The following COG5 variants were observed in gnomAD, a reference collection of about 807,000 sequenced individuals.
COG5 encodes conserved oligomeric Golgi complex subunit 5.
Under a neutral mutation model 110.4 loss-of-function variants are expected in COG5, and 86 were observed. The observed-to-expected ratio is 0.78, with a 90% CI of 0.65 to 0.93. The LOEUF is 0.93. Among genes scored for constraint, COG5 ranks in the 40% least tolerant of loss-of-function variants. The probability of loss-of-function intolerance (pLI) is 0.00; values close to 1 mark genes in which losing one functional copy is unlikely to be tolerated. For missense variants in COG5, 1,077 were observed against 987.0 expected (o/e 1.09, Z -1.22); for synonymous variants, 360 against 334.6 (o/e 1.08, Z -0.83).
intron 11 of COG5, 61 bp downstream of exon 11, chr7:107,324,379 A>G: frequency 9.1e-7 from 1 of 1,094,270 alleles, no homozygotes. Flanking sequence ...GCTTCTTGAC[A>G]TCAAATGATA....
chr7:107,517,000 G>A (rs141704096), intron 6 of COG5, among the ~76,000 whole-genome samples: 3 of 152,324 alleles, frequency 2.0e-5, no homozygotes, highest in East Asian at 1.9e-4. Flanking sequence ...CTGGACGGAG[G>A]ATGAGATGAA....
chr7:107,256,584 T>C (rs1802894399), intron 16 of COG5, 148 bp downstream of exon 16: 4 of 637,270 alleles, frequency 6.3e-6, no homozygotes, highest in South Asian at 1.9e-5. Context: ...ACACTTGTTA[T>C]CTATTCTCTT....
rs1809874452 is a variant in COG5, at chr7:107,327,490, A to AT, written c.1027-2970_1027-2969insA. Among the ~76,000 whole-genome samples, 3 of 152,310 alleles carry AT rather than the reference A, an allele frequency of 2.0e-5. No individual in the cohort carries two copies. In the South Asian group the frequency reaches 6.2e-4, roughly 32 times the overall value. On this transcript the variant is annotated intron_variant, in intron 10 of 21. Transcript: ENST00000297135. Reference sequence around the variant, plus strand: ...TTTCTGTGCAGGAAAGGAAACAATCAATAGAGTAAAAAGGCAACCTACAGA... The same window carrying AT: ...TTTCTGTGCAGGAAAGGAAACAATCATATAGAGTAAAAAGGCAACCTACAGA...
chr7:107,369,682 C>T (rs1813952170), intron 8 of COG5, among the ~76,000 whole-genome samples: 1 of 152,108 alleles, frequency 6.6e-6, no homozygotes, highest in Non-Finnish European at 1.5e-5. Flanking sequence ...AGCCAACACG[C>T]CGGCCAGGTA....
rs558377116 is a variant in COG5, at chr7:107,509,543, G to C, written c.538+17694C>G. ...CCAACATTCAGATTCAGGAAATACAGAGAACGCCACAAAGATGCTCCTCGA... is the reference window on the plus strand; with the variant it reads ...CCAACATTCAGATTCAGGAAATACACAGAACGCCACAAAGATGCTCCTCGA... On this transcript the variant is annotated intron_variant, in intron 6 of 21. Coordinates refer to ENST00000297135, the MANE Select transcript of COG5 (RefSeq NM_006348.5). 2.6e-5 allele frequency among the ~76,000 whole-genome samples: 4 copies of C among 152,260 alleles called. No homozygotes were observed. The East Asian group carries it at 5.8e-4, about 22-fold the overall frequency.
At chr7:107,207,999 A>G in intron 21 of COG5, 1 of 985,488 alleles carries the variant, frequency 1.0e-6, no homozygotes, top group Non-Finnish European at 1.2e-6. Flanking sequence ...ACTGACATTT[A>G]AAGAGCAATA....
At chr7:107,249,938 A>C (rs1426741045) in intron 16 of COG5, among the ~76,000 whole-genome samples, 1 of 152,074 alleles carries the variant, frequency 6.6e-6, no homozygotes, top group East Asian at 1.9e-4. Context: ...GGGAAACCAC[A>C]AGACATTCAG....
chr7:107,521,627 G>A (rs920102726), intron 6 of COG5, among the ~76,000 whole-genome samples: 2 of 152,156 alleles, frequency 1.3e-5, no homozygotes, highest in South Asian at 2.1e-4. Flanking sequence ...AAAAAGTCAA[G>A]AAACAATAGA....
rs533669494 is a variant in COG5 at position 107,203,400 on chromosome 7, G to A, written c.*116C>T. ...TAAATAAACGTCGATAGGAAATACC[G>A]AACAATCAATTACATTCTTAAAATA... On this transcript the variant is annotated 3_prime_UTR_variant, in exon 22 of 22. Transcript: ENST00000297135. 5.7e-5 allele frequency: 44 copies of A among 770,370 alleles called. No individual in the cohort carries two copies. Among genetic ancestry groups the A allele is most frequent in the African/African-American group, 2.7e-4 (16 of 58,226 alleles). The allele number at this position is 770,370 out of a possible 1,614,324, so 47.7% of individuals were successfully genotyped here. A position where few individuals can be genotyped will look rare whatever the true frequency, so the allele number is the denominator to read the frequency against.
At chr7:107,562,668 G>C (rs1435671263) in intron 1 of COG5, among the ~76,000 whole-genome samples, 1 of 152,080 alleles carries the variant, frequency 6.6e-6, no homozygotes, top group Non-Finnish European at 1.5e-5. Flanking sequence ...ACAGAGACCC[G>C]GTCCTAGAGT....
rs772812050 is a variant in COG5, at chr7:107,230,660, C to T, written c.2123G>A (p.Arg708Gln). Residue 708 changes from arginine to glutamine, a missense_variant, in exon 19 of 22, where the codon CGA becomes CAA. Arg to Gln is a conservative substitution (Grantham distance 43). Coordinates refer to ENST00000297135, the MANE Select transcript of COG5 (RefSeq NM_006348.5). ...MELAVGPFCR[R>Q]VSDLGKSYRM... ...ATAGGACTTTCCTAAATCAGATACT[C>T]GTCTACAGAATGGACCCACAGCCAA... 2.5e-5 allele frequency: 40 copies of T among 1,613,092 alleles called. No individual in the cohort carries two copies. Among genetic ancestry groups the T allele is most frequent in the Non-Finnish European group, 3.1e-5 (37 of 1,179,280 alleles).
chr7:107,426,118 T>A (rs191729263), intron 6 of COG5, among the ~76,000 whole-genome samples: 1 of 152,192 alleles, frequency 6.6e-6, no homozygotes, highest in African/African-American at 2.4e-5. Context: ...GATTTTGGAC[T>A]TCTAGCCTCC....
chr7:107,510,490 G>A (rs193150619), intron 6 of COG5, among the ~76,000 whole-genome samples: 31 of 152,184 alleles, frequency 2.0e-4, no homozygotes, highest in South Asian at 8.3e-4. Flanking sequence ...ACAGATCAAC[G>A]AGACAGAAAG....
chr7:107,546,427 G>T (rs941629735), intron 5 of COG5, among the ~76,000 whole-genome samples: 22 of 134,730 alleles, frequency 1.6e-4, no homozygotes, highest in African/African-American at 4.6e-4. Flanking sequence ...GTTGTGTTTT[G>T]GTTTTTTGTT....
intron 10 of COG5, among the ~76,000 whole-genome samples, chr7:107,356,730 T>A (rs961217055): frequency 6.6e-6 from 1 of 152,146 alleles, no homozygotes; most frequent in African/African-American, 2.4e-5. Flanking sequence ...ACAAATATTA[T>A]AGGAAGCATA....
Position 107,462,611 on chromosome 7 carries a change from T to TAAA in COG5, c.539-49982_539-49980dup, listed in dbSNP as rs370588173. The stretch of plus-strand genomic sequence containing the variant: ...TTAGAACTAGGAGAAGAAAAATGCC[T>TAAA]AAAAAAAAAAAAAAAAAAACTTTAG... On this transcript the variant is annotated intron_variant, in intron 6 of 21. Transcript: ENST00000297135. Among the ~76,000 whole-genome samples the TAAA allele has an allele frequency of 2.9e-3, 323 of 112,058 alleles. 4 individuals are homozygous for TAAA. The highest frequency in any genetic ancestry group is 4.3e-3 in the African/African-American group (138 of 32,130). The allele number at this position is 112,058 out of a possible 152,430, so 73.5% of individuals were successfully genotyped here.
intron 7 of COG5, among the ~76,000 whole-genome samples, chr7:107,379,551 G>A (rs1402996114): frequency 6.7e-6 from 1 of 149,466 alleles, no homozygotes; most frequent in African/African-American, 2.5e-5. Flanking sequence ...GACACACACA[G>A]GCTCAAAATA....
chr7:107,413,176 C>G (rs1167160482), intron 6 of COG5, among the ~76,000 whole-genome samples: 2 of 147,900 alleles, frequency 1.4e-5, no homozygotes, highest in East Asian at 4.1e-4. Context: ...GGCATCACAT[C>G]CAACTATTCT....
At chr7:107,263,653 C>A (rs1180886210) in intron 14 of COG5, among the ~76,000 whole-genome samples, 1 of 152,104 alleles carries the variant, frequency 6.6e-6, no homozygotes, top group Non-Finnish European at 1.5e-5. Flanking sequence ...TAAAATAATT[C>A]TTATGTGCAA....
Sources: gnomAD v4.1 joint callset for allele counts (sites outside exome capture counted in the v4.1 genomes callset) on GRCh38, gnomAD v4.1.1 for gene constraint, MANE v1.5 for transcripts, NCBI Gene and HGNC (gene_info 2026-07-23, HGNC 2026-07-21) for gene names.